SLC39A14: variants seen among roughly 807,000 people sequenced by gnomAD.
SLC39A14 encodes the protein solute carrier family 39 member 14.
A neutral mutation model predicts 45.5 loss-of-function variants in SLC39A14; 19 were observed. That is an observed-to-expected ratio of 0.42 (90% CI 0.29 to 0.61). The LOEUF (loss-of-function observed/expected upper bound fraction) is 0.61, where lower values mean the gene tolerates loss of function less well. Ranked by LOEUF, SLC39A14 falls within the 20% of genes least tolerant of loss-of-function variation. The pLI is 0.22. For synonymous variants in SLC39A14, 264 were observed against 251.3 expected, an observed-to-expected ratio of 1.05 and a Z score of -0.48; for missense variants, 447 against 616.5, an observed-to-expected ratio of 0.73 and a Z score of 2.91.
At chr8:22,373,765 GTTTTTTTTT>G (rs10690749) in intron 1 of SLC39A14, among the ~76,000 whole-genome samples, 1 of 139,116 alleles carries the variant, frequency 7.2e-6, no homozygotes, top group Non-Finnish European at 1.6e-5. Context: ...TTGTTTTCTC[GTTTTTTTTT>G]TTTTTTCCAA....
intron 1 of SLC39A14, among the ~76,000 whole-genome samples, chr8:22,372,487 C>T (rs1204898219): frequency 2.0e-5 from 3 of 152,124 alleles, no homozygotes. Context: ...ACACATATCA[C>T]CCTGTCTGCG....
At chr8:22,397,604 A>C (rs936487117) in intron 1 of SLC39A14, among the ~76,000 whole-genome samples, 53 of 151,978 alleles carry the variant, frequency 3.5e-4, no homozygotes, top group African/African-American at 1.3e-3. Context: ...AAAAAAAAGA[A>C]AGACCTCCTC....
chr8:22,416,521 T>A (rs1835892456), intron 7 of SLC39A14, among the ~76,000 whole-genome samples: 1 of 151,874 alleles, frequency 6.6e-6, no homozygotes, highest in African/African-American at 2.4e-5. Context: ...ACCTCCTGGG[T>A]TCAAGCGATT....
At chr8:22,430,865 G>A (rs1375552075) in intron 8 of SLC39A14, among the ~76,000 whole-genome samples, 2 of 151,976 alleles carry the variant, frequency 1.3e-5, no homozygotes, top group African/African-American at 4.8e-5. Context: ...TAGAAACAAG[G>A]TTTTACCATG....
chr8:22,408,884 A>T (rs1167133347), intron 3 of SLC39A14, among the ~76,000 whole-genome samples: 1 of 145,940 alleles, frequency 6.9e-6, no homozygotes, highest in Non-Finnish European at 1.5e-5. Context: ...CCAGTGGTGC[A>T]ATCATAGCTC....
In SLC39A14 at chr8:22,420,602, G is replaced by A. The variant is rs879752495; in HGVS notation, c.*904G>A. On this transcript the variant is annotated 3_prime_UTR_variant, in exon 9 of 9. Coordinates refer to ENST00000381237, the MANE Select transcript of SLC39A14 (RefSeq NM_001128431.4). Reference sequence around the variant, plus strand: ...CACATTTGAGACCTCTGTGTTAGAGGGGAGACTGCACAAACTATCCTCCCC... The same window carrying A: ...CACATTTGAGACCTCTGTGTTAGAGAGGAGACTGCACAAACTATCCTCCCC... 4 of 985,374 alleles carry A rather than the reference G, an allele frequency of 4.1e-6. No individual in the cohort carries two copies. Among genetic ancestry groups the A allele is most frequent in the Non-Finnish European group, 4.8e-6 (4 of 829,930 alleles). 61.0% of individuals were successfully genotyped at this position (985,374 alleles called of 1,614,324 possible). A position where few individuals can be genotyped will look rare whatever the true frequency, so the allele number is the denominator to read the frequency against.
At chr8:22,381,308 TC>T (rs1370321714) in intron 1 of SLC39A14, among the ~76,000 whole-genome samples, 1 of 148,824 alleles carries the variant, frequency 6.7e-6, no homozygotes, top group Non-Finnish European at 1.5e-5. Context: ...AGAGTCTCGC[TC>T]CGTCACCCAG....
At chr8:22,417,890 G>T (rs1010118091) in intron 8 of SLC39A14, 55 bp downstream of exon 8, 3 of 1,456,840 alleles carry the variant, frequency 2.1e-6, no homozygotes, top group Non-Finnish European at 2.8e-6. Context: ...TGGATGTTAG[G>T]TAGGTAGTTT....
chr8:22,367,280 C>G lies in SLC39A14; in HGVS notation c.-144C>G, dbSNP rs915678595. On this transcript the variant is annotated 5_prime_UTR_variant, in exon 1 of 9. Transcript: ENST00000381237. This position sits in a 1 kb window ranked among gnomAD's most constrained non-coding sequence, Gnocchi z 4.2. ...CCGGGCATGCGCGCGGTGCCGGGGC[C>G]CGGACGCAGTGAGGGGGGTCGGCGC... 10 of 151,704 alleles carry G rather than the reference C, an allele frequency of 6.6e-5. No homozygotes were observed. Among genetic ancestry groups the G allele is most frequent in the Admixed American group, 4.6e-4 (7 of 15,216 alleles). The allele number at this position is 151,704 out of a possible 1,614,324, so 9.4% of individuals were successfully genotyped here. A position where few individuals can be genotyped will look rare whatever the true frequency, so the allele number is the denominator to read the frequency against.
At chr8:22,383,092 G>C (rs891372462) in intron 1 of SLC39A14, among the ~76,000 whole-genome samples, 1 of 152,124 alleles carries the variant, frequency 6.6e-6, no homozygotes, top group Non-Finnish European at 1.5e-5. Context: ...GTGGAAAGCT[G>C]GGTGTGGTAT....
chr8:22,431,736 T>TG (rs1340214214), intron 8 of SLC39A14, among the ~76,000 whole-genome samples: 1 of 152,040 alleles, frequency 6.6e-6, no homozygotes, highest in Non-Finnish European at 1.5e-5. Flanking sequence ...TAAAAAAAAG[T>TG]GGGGGGATAC....
chr8:22,400,092 A>G (rs1834769082), intron 1 of SLC39A14, among the ~76,000 whole-genome samples: 1 of 141,156 alleles, frequency 7.1e-6, no homozygotes. Flanking sequence ...ATCTGCACAG[A>G]GACACGCAGG....
intron 1 of SLC39A14, among the ~76,000 whole-genome samples, chr8:22,382,882 A>AT (rs1240746954): frequency 0.037 from 5,303 of 142,006 alleles, 283 homozygotes; most frequent in African/African-American, 0.12. Flanking sequence ...GCCCCCGCTA[A>AT]TTTTTTTTTT....
intron 1 of SLC39A14, among the ~76,000 whole-genome samples, chr8:22,386,518 C>T (rs1052954118): frequency 8.5e-5 from 13 of 152,194 alleles, no homozygotes; most frequent in Admixed American, 3.9e-4. Context: ...CCACCTGCCT[C>T]GGCCTCCCGA....
At chr8:22,422,773 T>C, downstream of SLC39A14, 1 of 946,882 alleles carries the variant, frequency 1.1e-6, no homozygotes, top group Middle Eastern at 5.4e-4. Context: ...ACGTACAAAG[T>C]TTTGTTTTAC....
chr8:22,409,920 C>A (rs780386955), intron 3 of SLC39A14: 1 of 1,612,888 alleles, frequency 6.2e-7, no homozygotes, highest in East Asian at 2.2e-5. Context: ...TAATAGAGGC[C>A]CTCGTCTGTT....
At chr8:22,392,897 G>C (rs1834161015) in intron 1 of SLC39A14, 1 of 152,334 alleles carries the variant, frequency 6.6e-6, no homozygotes, top group Non-Finnish European at 1.5e-5. Flanking sequence ...GCTGCCTGGG[G>C]CCCTGACCAC....
chr8:22,386,231 C>A (rs1197182591), intron 1 of SLC39A14, among the ~76,000 whole-genome samples: 1 of 151,584 alleles, frequency 6.6e-6, no homozygotes, highest in Non-Finnish European at 1.5e-5. Flanking sequence ...AGGCGTGAGC[C>A]ACTGCGCCTG....
chr8:22,400,118 G>A lies in SLC39A14; in HGVS notation c.-15-4578G>A, dbSNP rs538494234. On this transcript the variant is annotated intron_variant, in intron 1 of 8. Coordinates refer to ENST00000381237, the MANE Select transcript of SLC39A14 (RefSeq NM_001128431.4). Reference sequence around the variant, plus strand: ...GACACGCAGGACTTTGTGGATCTCCGTGGGTTCCAGGACATGTATTTTTAT... The same window carrying A: ...GACACGCAGGACTTTGTGGATCTCCATGGGTTCCAGGACATGTATTTTTAT... Among the ~76,000 whole-genome samples the A allele has an allele frequency of 2.0e-4, 31 of 152,332 alleles. No homozygotes were observed. In the South Asian group the frequency reaches 4.1e-3, roughly 20 times the overall value.
Sources: gnomAD v4.1 joint callset for allele counts (sites outside exome capture counted in the v4.1 genomes callset) on GRCh38, gnomAD v4.1.1 for gene constraint, Gnocchi (gnomAD v3.1) non-coding constraint, MANE v1.5 for transcripts, NCBI Gene and HGNC (gene_info 2026-07-23, HGNC 2026-07-21) for gene names.